The following AK7 variants were observed in gnomAD, a reference collection of about 807,000 sequenced individuals.
AK7 encodes the protein adenylate kinase 7, also known as ATP-AMP transphosphorylase 7.
In AK7, 78 loss-of-function variants were observed where a neutral mutation model predicts 96.6. That is an observed-to-expected ratio of 0.81 (90% CI 0.67 to 0.97). The LOEUF (loss-of-function observed/expected upper bound fraction) is 0.97. Among genes scored for constraint, AK7 ranks in the 50% least tolerant of loss-of-function variants. The pLI, the probability that AK7 is intolerant of heterozygous loss-of-function variation, is 0.00. For missense variants in AK7, 855 were observed against 887.9 expected (o/e 0.96, Z 0.47); for synonymous variants, 302 against 317.2 (o/e 0.95, Z 0.51).
chr14:96,481,408 G>A (rs768396253), intron 15 of AK7, among the ~76,000 whole-genome samples: 10 of 151,916 alleles, frequency 6.6e-5, no homozygotes, highest in African/African-American at 1.7e-4. Context: ...GTGCAGTGGC[G>A]CAATCTTGGC....
chr14:96,431,980 C>G (rs1892377684), intron 5 of AK7, among the ~76,000 whole-genome samples: 2 of 152,156 alleles, frequency 1.3e-5, no homozygotes, highest in African/African-American at 4.8e-5. Context: ...GTTAGCTCTT[C>G]TTGTTGAATT....
intron 12 of AK7, among the ~76,000 whole-genome samples, chr14:96,470,045 C>G (rs1894799450): frequency 6.6e-6 from 1 of 152,030 alleles, no homozygotes; most frequent in African/African-American, 2.4e-5. Context: ...CTCGAACTCC[C>G]AACCTCAGGT....
chr14:96,417,870 C>A (rs997669910), intron 4 of AK7, among the ~76,000 whole-genome samples: 1 of 152,110 alleles, frequency 6.6e-6, no homozygotes, highest in African/African-American at 2.4e-5. Flanking sequence ...GTTAAAAATA[C>A]ACGTATCAAT....
intron 4 of AK7, among the ~76,000 whole-genome samples, chr14:96,419,643 A>C (rs1467883513): frequency 6.6e-6 from 1 of 152,122 alleles, no homozygotes; most frequent in African/African-American, 2.4e-5. Context: ...CTACCAAAAA[A>C]AAATTATATT....
At chr14:96,410,366 C>T (rs757172061) in intron 4 of AK7, among the ~76,000 whole-genome samples, 38 of 152,180 alleles carry the variant, frequency 2.5e-4, no homozygotes, top group African/African-American at 7.5e-4. Context: ...TGCTAGCTTC[C>T]GGACTGATTG....
intron 12 of AK7, among the ~76,000 whole-genome samples, chr14:96,461,242 T>G (rs1894232329): frequency 6.6e-6 from 1 of 152,136 alleles, no homozygotes; most frequent in Non-Finnish European, 1.5e-5. Context: ...GTGGGAAGAT[T>G]GCTTGAGGTC....
chr14:96,441,125 G>A (rs191949816), intron 6 of AK7, among the ~76,000 whole-genome samples: 50 of 152,284 alleles, frequency 3.3e-4, no homozygotes, highest in South Asian at 1.0e-3. Context: ...CTAGCTCAGC[G>A]AATCTGCATT....
chr14:96,409,546 T>G (rs1377081504), intron 4 of AK7, among the ~76,000 whole-genome samples: 1 of 152,192 alleles, frequency 6.6e-6, no homozygotes, highest in African/African-American at 2.4e-5. Flanking sequence ...CACTCCAGCC[T>G]GGGCAACAGA....
chr14:96,444,664 A>G (rs1466951898), intron 7 of AK7, among the ~76,000 whole-genome samples: 1 of 152,032 alleles, frequency 6.6e-6, no homozygotes, highest in Non-Finnish European at 1.5e-5. Flanking sequence ...TTTAATCCTT[A>G]TGGCAAAAAG....
chr14:96,417,637 T>C (rs1891420113), intron 4 of AK7, among the ~76,000 whole-genome samples: 1 of 152,214 alleles, frequency 6.6e-6, no homozygotes, highest in Admixed American at 6.5e-5. Flanking sequence ...CTTTGCTCTC[T>C]TTGTATCTAT....
chr14:96,453,347 G>T (rs1461227929), intron 10 of AK7, among the ~76,000 whole-genome samples: 1 of 152,170 alleles, frequency 6.6e-6, no homozygotes, highest in Admixed American at 6.5e-5. Flanking sequence ...GGTTCCCGAT[G>T]AGCAAGACTG....
chr14:96,394,444 AT>A (rs536736407), intron 1 of AK7, among the ~76,000 whole-genome samples: 9 of 150,528 alleles, frequency 6.0e-5, no homozygotes, highest in East Asian at 3.9e-4. Context: ...TAATGTTTAA[AT>A]TTTTTTTTTA....
intron 17 of AK7, 106 bp downstream of exon 17, chr14:96,487,162 G>T: frequency 8.3e-7 from 1 of 1,205,400 alleles, no homozygotes. Context: ...ATCACTTGTG[G>T]TCAGGAGTTA....
intron 4 of AK7, among the ~76,000 whole-genome samples, chr14:96,413,679 C>T (rs1891170124): frequency 6.6e-6 from 1 of 152,220 alleles, no homozygotes; most frequent in African/African-American, 2.4e-5. Context: ...AATTACCCAA[C>T]ATTGAATATG....
At chr14:96,408,783 C>G (rs1158987478) in intron 3 of AK7, 64 bp from the exon 4 acceptor site, 3 of 1,483,298 alleles carry the variant, frequency 2.0e-6, no homozygotes, top group Non-Finnish European at 2.8e-6. Flanking sequence ...ACTAATAGTA[C>G]ACGTGATTTA....
At chr14:96,393,156 A>T (rs1889856617) in intron 1 of AK7, among the ~76,000 whole-genome samples, 1 of 152,134 alleles carries the variant, frequency 6.6e-6, no homozygotes, top group Non-Finnish European at 1.5e-5. Flanking sequence ...GGGGCCCTTC[A>T]TGCTAATATG....
At position 96,451,472 on chromosome 14, in the gene AK7, G is replaced by T; in HGVS notation, c.1000G>T (p.Val334Leu). Residue 334 changes from valine to leucine, a missense_variant, in exon 10 of 18, where the codon GTG (valine) becomes TTG (leucine). Coordinates refer to ENST00000267584, the MANE Select transcript of AK7 (RefSeq NM_152327.5). ...LVNLRMEALF[V>L]KENFNIRWAA... is the part of the protein sequence containing the mutation. The stretch of plus-strand genomic sequence containing the variant: ...CAACTTAAGAATGGAAGCGCTCTTT[G>T]TGAAGGAGAATTTTAATATTCGATG... 2 of 1,598,650 alleles carry T rather than the reference G, an allele frequency of 1.3e-6. No homozygotes were observed. The highest frequency in any genetic ancestry group is 8.5e-7 in the Non-Finnish European group (1 of 1,171,510).
intron 5 of AK7, among the ~76,000 whole-genome samples, chr14:96,432,528 T>G (rs1595406016): frequency 6.6e-6 from 1 of 152,114 alleles, no homozygotes; most frequent in Non-Finnish European, 1.5e-5. Flanking sequence ...CTGTTAGCGG[T>G]TTTTCCTTTC....
At chr14:96,392,896 G>A (rs1181453756) in intron 1 of AK7, among the ~76,000 whole-genome samples, 1 of 152,126 alleles carries the variant, frequency 6.6e-6, no homozygotes, top group Non-Finnish European at 1.5e-5. Flanking sequence ...TCGATCTCCT[G>A]ACCTCGTGAC....
Sources: gnomAD v4.1 joint callset for allele counts (sites outside exome capture counted in the v4.1 genomes callset) on GRCh38, gnomAD v4.1.1 for gene constraint, MANE v1.5 for transcripts, NCBI Gene and HGNC (gene_info 2026-07-23, HGNC 2026-07-21) for gene names.